The following NPAS3 variants were observed in gnomAD, a reference collection of about 807,000 sequenced individuals.
NPAS3 encodes the protein neuronal PAS domain-containing protein 3.
A neutral mutation model predicts 73.1 loss-of-function variants in NPAS3; 14 were observed. The observed-to-expected ratio is 0.19, with a 90% CI of 0.13 to 0.30. NPAS3 has a LOEUF of 0.30. Among genes scored for constraint, NPAS3 ranks in the 10% least tolerant of loss-of-function variants. The probability of loss-of-function intolerance (pLI) is 1.00; values close to 1 mark genes in which losing one functional copy is unlikely to be tolerated. For synonymous variants in NPAS3, 620 were observed against 541.5 expected, an observed-to-expected ratio of 1.14 and a Z score of -2.01; for missense variants, 1,096 against 1,250.0, an observed-to-expected ratio of 0.88 and a Z score of 1.86.
chr14:33,204,562 C>T (rs978236685), intron 2 of NPAS3, among the ~76,000 whole-genome samples: 11 of 152,048 alleles, frequency 7.2e-5, no homozygotes, highest in African/African-American at 2.7e-4. Context: ...TCCGTAAGAG[C>T]CTGTAGCTGC....
chr14:33,085,549 C>A (rs115918854), intron 2 of NPAS3, among the ~76,000 whole-genome samples: 1,607 of 152,210 alleles, frequency 0.011, 33 homozygotes, highest in African/African-American at 0.037. Flanking sequence ...TCACAGTGGC[C>A]CCCAGTGGGC....
intron 1 of NPAS3, among the ~76,000 whole-genome samples, chr14:32,989,942 A>T (rs1262553519): frequency 1.3e-5 from 2 of 152,140 alleles, no homozygotes; most frequent in Non-Finnish European, 2.9e-5. Context: ...AAGCAGTGTG[A>T]ATAGGGGTGG....
At chr14:33,346,833 C>T (rs1566817867) in intron 3 of NPAS3, among the ~76,000 whole-genome samples, 1 of 152,136 alleles carries the variant, frequency 6.6e-6, no homozygotes, top group Non-Finnish European at 1.5e-5. Flanking sequence ...CTTACCTCAT[C>T]TGGGCACTAA....
At chr14:33,685,878 G>A (rs2060074669) in intron 6 of NPAS3, among the ~76,000 whole-genome samples, 1 of 152,144 alleles carries the variant, frequency 6.6e-6, no homozygotes, top group African/African-American at 2.4e-5. Flanking sequence ...AGCAGACACT[G>A]GACCCAGGGT....
chr14:33,667,524 T>C (rs2059486729), intron 5 of NPAS3, among the ~76,000 whole-genome samples: 1 of 152,214 alleles, frequency 6.6e-6, no homozygotes, highest in Admixed American at 6.5e-5. Flanking sequence ...ACATTCTCTA[T>C]CCAAGACTAA....
intron 1 of NPAS3, among the ~76,000 whole-genome samples, chr14:33,029,740 T>A (rs570555925): frequency 2.6e-5 from 4 of 152,278 alleles, no homozygotes; most frequent in African/African-American, 9.6e-5. Flanking sequence ...TGAGGGAGTA[T>A]TACTGGCATA....
intron 4 of NPAS3, among the ~76,000 whole-genome samples, chr14:33,452,338 C>A (rs1221468626): frequency 1.3e-5 from 2 of 152,108 alleles, no homozygotes; most frequent in African/African-American, 4.8e-5. Flanking sequence ...TGGTGACAAA[C>A]TGAATTTATT....
chr14:33,326,071 A>G (rs917744160), intron 3 of NPAS3, among the ~76,000 whole-genome samples: 2 of 152,022 alleles, frequency 1.3e-5, no homozygotes, highest in East Asian at 1.9e-4. Flanking sequence ...TTTCCCCCCA[A>G]TGAGTAAATT....
At chr14:33,099,718 A>T (rs1328263653) in intron 2 of NPAS3, among the ~76,000 whole-genome samples, 3 of 152,188 alleles carry the variant, frequency 2.0e-5, no homozygotes, top group Non-Finnish European at 4.4e-5. Context: ...ATTGTAGGGA[A>T]AAAACAAAAT....
chr14:33,262,013 C>T (rs1231711284), intron 3 of NPAS3, among the ~76,000 whole-genome samples: 2 of 152,142 alleles, frequency 1.3e-5, no homozygotes, highest in African/African-American at 2.4e-5. Flanking sequence ...CTGCTAGTGG[C>T]TTGACAGAAA....
intron 4 of NPAS3, among the ~76,000 whole-genome samples, chr14:33,515,998 T>C (rs1482791753): frequency 2.0e-5 from 3 of 152,102 alleles, no homozygotes; most frequent in Non-Finnish European, 4.4e-5. Context: ...TAACACTTTC[T>C]ATGAGGTAAG....
chr14:33,239,613 G>GCATCAAAT (rs1243184024), intron 3 of NPAS3, among the ~76,000 whole-genome samples: 45 of 151,878 alleles, frequency 3.0e-4, no homozygotes, highest in African/African-American at 1.1e-3. Flanking sequence ...TCCATCTCTT[G>GCATCAAAT]TGTGCAAAAA....
intron 3 of NPAS3, among the ~76,000 whole-genome samples, chr14:33,222,997 G>A (rs2047489656): frequency 6.6e-6 from 1 of 152,072 alleles, no homozygotes; most frequent in Non-Finnish European, 1.5e-5. Context: ...CCCCATCAAC[G>A]TGGTTCTCCG....
chr14:33,156,269 C>T (rs2044644271), intron 2 of NPAS3, among the ~76,000 whole-genome samples: 1 of 152,136 alleles, frequency 6.6e-6, no homozygotes, highest in South Asian at 2.1e-4. Context: ...TGGATTTTTG[C>T]ATCACTGCAG....
chr14:33,421,957 A>G (rs953532377), intron 4 of NPAS3, among the ~76,000 whole-genome samples: 1 of 151,934 alleles, frequency 6.6e-6, no homozygotes, highest in African/African-American at 2.4e-5. Context: ...TTTTTTCTAT[A>G]GGTAACATAA....
At chr14:33,105,098 G>C (rs930939753) in intron 2 of NPAS3, among the ~76,000 whole-genome samples, 22 of 152,046 alleles carry the variant, frequency 1.4e-4, no homozygotes, top group African/African-American at 5.3e-4. Context: ...GTAATCCATA[G>C]GTTTGTATAA....
chr14:33,669,439 C>A (rs1482705378), intron 5 of NPAS3, among the ~76,000 whole-genome samples: 1 of 152,156 alleles, frequency 6.6e-6, no homozygotes, highest in Admixed American at 6.5e-5. Flanking sequence ...AGTATTAAGG[C>A]ATTCTCTAGG....
At position 32,977,575 on chromosome 14, in the gene NPAS3, C is replaced by CA. The variant is rs1004319279; in HGVS notation, c.50+38216dup. Among the ~76,000 whole-genome samples the CA allele has an allele frequency of 7.2e-5, 11 of 151,886 alleles. No individual in the cohort carries two copies. In the East Asian group the frequency reaches 2.1e-3, roughly 29 times the overall value. ...AGAAAGACCGTGTCTCTACTGAAAA[C>CA]AAAAAAATTAACTGGGCATGGTGGT... On this transcript the variant is annotated intron_variant, in intron 1 of 11. Transcript: ENST00000356141.
chr14:33,206,116 G>T (rs917906675), intron 2 of NPAS3, among the ~76,000 whole-genome samples: 6 of 152,042 alleles, frequency 3.9e-5, no homozygotes, highest in African/African-American at 1.4e-4. Flanking sequence ...TTATATGGGT[G>T]ATTATAAATT....
Sources: gnomAD v4.1 joint callset for allele counts (sites outside exome capture counted in the v4.1 genomes callset) on GRCh38, gnomAD v4.1.1 for gene constraint, MANE v1.5 for transcripts, NCBI Gene and HGNC (gene_info 2026-07-23, HGNC 2026-07-21) for gene names.